Variants in SUGCT observed in about 807,000 individuals in gnomAD.
SUGCT encodes succinyl-CoA:glutarate CoA-transferase.
SUGCT carries 41 observed loss-of-function variants against 55.0 expected under a neutral mutation model. The observed-to-expected ratio is 0.74, with a 90% confidence interval of 0.58 to 0.97. The LOEUF (loss-of-function observed/expected upper bound fraction) is 0.97. SUGCT is among the 50% of genes least tolerant of loss of function. The pLI, the probability that SUGCT is intolerant of heterozygous loss-of-function variation, is 0.00. For missense variants in SUGCT, 568 were observed against 547.8 expected (o/e 1.04, Z -0.37); for synonymous variants, 187 against 200.4 (o/e 0.93, Z 0.56).
intron 1 of SUGCT, among the ~76,000 whole-genome samples, chr7:40,144,007 C>T (rs1009128823): frequency 6.6e-6 from 1 of 152,202 alleles, no homozygotes; most frequent in African/African-American, 2.4e-5. Flanking sequence ...ATTACAAAAA[C>T]TGGTTGGGGC....
intron 12 of SUGCT, among the ~76,000 whole-genome samples, chr7:40,560,245 GAT>G (rs1795766292): frequency 6.6e-6 from 1 of 152,144 alleles, no homozygotes; most frequent in Non-Finnish European, 1.5e-5. Flanking sequence ...TTTGGAAAGT[GAT>G]ACACACACAT....
rs376280694 is a variant in SUGCT at position 40,338,300 on chromosome 7, GCT to G, written c.816+21446_816+21447del. 4.2e-4 allele frequency among the ~76,000 whole-genome samples: 64 copies of G among 152,248 alleles called. No homozygotes were observed. In the South Asian group the frequency reaches 0.013, roughly 30 times the overall value. ...CTGAATTTGAATGTTGGCCTGCCTT[GCT>G]AGGTTGGGGAAATTCTCCTGGATAA... On this transcript the variant is annotated intron_variant, in intron 9 of 13. Transcript: ENST00000335693.
At chr7:40,303,488 TC>T (rs1794659934) in intron 8 of SUGCT, among the ~76,000 whole-genome samples, 1 of 151,870 alleles carries the variant, frequency 6.6e-6, no homozygotes, top group African/African-American at 2.4e-5. Context: ...TGCCATTTCT[TC>T]TCTTTTTTTT....
At chr7:40,417,593 G>A (rs1482772675) in intron 9 of SUGCT, among the ~76,000 whole-genome samples, 2 of 151,812 alleles carry the variant, frequency 1.3e-5, no homozygotes, top group East Asian at 1.9e-4. Context: ...TTGAATTTAA[G>A]CATATTTTTT....
At chr7:40,185,209 T>C (rs1027516969) in intron 3 of SUGCT, among the ~76,000 whole-genome samples, 3 of 152,220 alleles carry the variant, frequency 2.0e-5, no homozygotes, top group East Asian at 3.8e-4. Flanking sequence ...TTAAAGCTTC[T>C]AATTTCCATA....
At chr7:40,917,897 C>T in the SUGCT span, among the ~76,000 whole-genome samples, 3 of 152,108 alleles carry the variant, frequency 2.0e-5, no homozygotes, top group African/African-American at 7.2e-5. Context: ...TCAAAGGCTC[C>T]ATCTCTTAAT....
chr7:40,446,785 C>A (rs562754560), intron 9 of SUGCT, among the ~76,000 whole-genome samples: 1 of 152,082 alleles, frequency 6.6e-6, no homozygotes, highest in Non-Finnish European at 1.5e-5. Flanking sequence ...ATACAATCTC[C>A]CAGTTCCACT....
At chr7:40,903,433 T>G in the SUGCT span, among the ~76,000 whole-genome samples, 1 of 152,136 alleles carries the variant, frequency 6.6e-6, no homozygotes, top group Non-Finnish European at 1.5e-5. Context: ...GGGCAGTGGC[T>G]CAGTAAGACC....
intron 13 of SUGCT, among the ~76,000 whole-genome samples, chr7:40,749,840 G>A (rs1026617930): frequency 3.9e-5 from 6 of 152,146 alleles, no homozygotes; most frequent in South Asian, 4.1e-4. Flanking sequence ...ATAGAGTGTC[G>A]TTCATATGAG....
chr7:40,881,445 C>T, the SUGCT span, among the ~76,000 whole-genome samples: 2 of 152,118 alleles, frequency 1.3e-5, no homozygotes, highest in Non-Finnish European at 1.5e-5. Context: ...TCAAGTTGAG[C>T]CCCCTGCCTT....
intron 9 of SUGCT, among the ~76,000 whole-genome samples, chr7:40,401,252 C>G (rs777009694): frequency 6.6e-6 from 1 of 152,082 alleles, no homozygotes; most frequent in Non-Finnish European, 1.5e-5. Flanking sequence ...CTTATTACAC[C>G]AAACCTGAGA....
intron 12 of SUGCT, among the ~76,000 whole-genome samples, chr7:40,509,497 C>G (rs549187510): frequency 1.3e-5 from 2 of 152,290 alleles, no homozygotes; most frequent in South Asian, 4.1e-4. Flanking sequence ...CCTCTTTTGT[C>G]ACTGCTGCTG....
chr7:40,860,453 G>A lies in SUGCT; in HGVS notation c.1291G>A (p.Val431Met), dbSNP rs752599338. The change falls in exon 14 of 14, where the codon GTG becomes ATG. Residue 431 changes from valine (V) to methionine (M), a missense_variant. Transcript: ENST00000335693. ...RAIGELLSAG[V>M]VDQHETH ...CATCGGGGAGCTGCTCAGCGCTGGA[G>A]TGGTGGACCAACATGAAACTCACTG... 4 of 1,613,142 alleles carry A rather than the reference G, an allele frequency of 2.5e-6. No individual in the cohort carries two copies. In the East Asian group the frequency reaches 8.9e-5, roughly 36 times the overall value.
chr7:40,929,540 A>G, the SUGCT span, among the ~76,000 whole-genome samples: 12,013 of 152,190 alleles, frequency 0.079, 520 homozygotes, highest in African/African-American at 0.1. Flanking sequence ...ACTCCCACCA[A>G]CAGTGTAAAA....
intron 7 of SUGCT, among the ~76,000 whole-genome samples, chr7:40,241,578 CAAA>C (rs111742538): frequency 1.2e-4 from 9 of 75,076 alleles, no homozygotes; most frequent in Non-Finnish European, 2.0e-4. Context: ...GACTCTGTCT[CAAA>C]AAAAAAAAAA....
intron 11 of SUGCT, among the ~76,000 whole-genome samples, chr7:40,464,014 T>G (rs1181243957): frequency 6.6e-6 from 1 of 152,106 alleles, no homozygotes; most frequent in Non-Finnish European, 1.5e-5. Flanking sequence ...TTGCAATAGT[T>G]AGGACCCCAA....
chr7:40,574,509 G>C (rs1050298086), intron 12 of SUGCT, among the ~76,000 whole-genome samples: 1 of 152,068 alleles, frequency 6.6e-6, no homozygotes, highest in African/African-American at 2.4e-5. Context: ...TTGGCTCACT[G>C]CAAACTGTGC....
rs776896086 is a variant in SUGCT at position 40,449,349 on chromosome 7, C to T, written c.879C>T (p.Thr293=). 16 of 1,609,850 alleles carry T rather than the reference C, an allele frequency of 9.9e-6. No homozygotes were observed. Among genetic ancestry groups the T allele is most frequent in the Middle Eastern group, 1.7e-4 (1 of 6,058 alleles). The part of the protein sequence containing the change: ...VGAGNNQQFA[T]VCKILDLPEL... ...CAGGAAATAACCAGCAGTTTGCCAC[C>T]GTCTGCAAGGTAATCTATAATTATT... The change falls in exon 10 of 14, where the codon ACC becomes ACT. Residue 293 remains threonine, a synonymous_variant. Transcript: ENST00000335693.
chr7:40,308,125 G>A (rs1794937254), intron 8 of SUGCT, among the ~76,000 whole-genome samples: 1 of 152,176 alleles, frequency 6.6e-6, no homozygotes, highest in South Asian at 2.1e-4. Flanking sequence ...GGGGATAGTA[G>A]AGGACTTCTA....
Sources: allele counts gnomAD v4.1 joint callset (sites outside exome capture counted in the v4.1 genomes callset), GRCh38; gene constraint gnomAD v4.1.1; transcripts MANE v1.5; gene names NCBI Gene and HGNC (gene_info 2026-07-23, HGNC 2026-07-21).